The following SDK1 variants were observed in gnomAD, a reference collection of about 807,000 sequenced individuals.
The protein encoded by SDK1 is sidekick cell adhesion molecule 1.
SDK1 carries 157 observed loss-of-function variants against 245.5 expected under a neutral mutation model. The ratio of observed to expected loss-of-function variants is 0.64; its 90% confidence interval spans 0.56 to 0.73. The LOEUF (loss-of-function observed/expected upper bound fraction) is 0.73. Among genes scored for constraint, SDK1 ranks in the 30% least tolerant of loss-of-function variants. The pLI is 0.00. For missense variants in SDK1, 3,583 were observed against 3,002.3 expected (o/e 1.19, Z -4.52); for synonymous variants, 1,647 against 1,278.5 (o/e 1.29, Z -6.15).
At chr7:3,389,463 A>G (rs1781691795) in intron 1 of SDK1, among the ~76,000 whole-genome samples, 1 of 152,188 alleles carries the variant, frequency 6.6e-6, no homozygotes, top group South Asian at 2.1e-4. Context: ...TGAGCCAAGG[A>G]CAAGGGAGTG....
chr7:3,526,227 C>T (rs767002851), intron 1 of SDK1, among the ~76,000 whole-genome samples: 1 of 150,264 alleles, frequency 6.7e-6, no homozygotes, highest in Non-Finnish European at 1.5e-5. Flanking sequence ...AGCGAGACTC[C>T]GTCGCAAAAA....
At chr7:4,248,378 C>G (rs1322500711) in intron 44 of SDK1, among the ~76,000 whole-genome samples, 1 of 139,194 alleles carries the variant, frequency 7.2e-6, no homozygotes, top group Non-Finnish European at 1.6e-5. Flanking sequence ...ACAACATACA[C>G]CTAAATACAC....
chr7:3,970,142 T>C (rs1472173554), intron 11 of SDK1, among the ~76,000 whole-genome samples: 1 of 152,260 alleles, frequency 6.6e-6, no homozygotes, highest in East Asian at 1.9e-4. Context: ...TAAAAACTCA[T>C]ATTCAAAAAG....
intron 4 of SDK1, among the ~76,000 whole-genome samples, chr7:3,760,765 G>C (rs1041021670): frequency 6.6e-6 from 1 of 152,272 alleles, no homozygotes; most frequent in African/African-American, 2.4e-5. Flanking sequence ...TTCCGTTTTT[G>C]CCTTTCTCAG....
chr7:3,356,712 G>C (rs1780804904), intron 1 of SDK1, among the ~76,000 whole-genome samples: 1 of 152,078 alleles, frequency 6.6e-6, no homozygotes, highest in Non-Finnish European at 1.5e-5. Flanking sequence ...ATTGTTTCCT[G>C]ATAGGAATTT....
At position 4,114,125 on chromosome 7, in the gene SDK1, T is replaced by C; in HGVS notation, c.3674T>C (p.Val1225Ala). The change falls in exon 25 of 45, where the codon GTG becomes GCG. Residue 1225 changes from valine to alanine, a missense_variant. Physicochemically the swap from Val to Ala is moderately conservative, Grantham distance 64 (BLOSUM62 0). Coordinates refer to ENST00000404826, the MANE Select transcript of SDK1 (RefSeq NM_152744.4). ...CGCTCAGACCTCCAGTCCTCAGCAG[T>C]GGCCCAAGTCGTCAGTGACCGGCTG... ...YWRSDLQSSA[V>A]AQVVSDRLER... The C allele has an allele frequency of 6.2e-7, 1 of 1,614,202 alleles. No homozygotes were observed. Among genetic ancestry groups the C allele is most frequent in the Non-Finnish European group, 8.5e-7 (1 of 1,180,024 alleles).
At chr7:4,251,384 G>A (rs959444129) in intron 44 of SDK1, among the ~76,000 whole-genome samples, 4 of 152,194 alleles carry the variant, frequency 2.6e-5, no homozygotes, top group South Asian at 2.1e-4. Context: ...CCAGATTCAC[G>A]CTTCTAAGAG....
intron 4 of SDK1, among the ~76,000 whole-genome samples, chr7:3,713,436 C>T (rs562372655): frequency 1.3e-5 from 2 of 152,286 alleles, no homozygotes; most frequent in South Asian, 2.1e-4. Flanking sequence ...GAAAAGATGA[C>T]TGCTACACAT....
At chr7:3,638,174 A>G (rs1199772638) in intron 2 of SDK1, among the ~76,000 whole-genome samples, 2 of 152,230 alleles carry the variant, frequency 1.3e-5, no homozygotes, top group Non-Finnish European at 2.9e-5. Flanking sequence ...ATAAGACAGA[A>G]GTAGATCCTA....
At position 3,989,983 on chromosome 7, in the gene SDK1, C is replaced by T. The variant is rs9886248; in HGVS notation, c.2131+2661C>T. Among the ~76,000 whole-genome samples the T allele has an allele frequency of 1.7e-4, 26 of 152,298 alleles. 1 individual carries two copies. Among genetic ancestry groups the T allele is most frequent in the East Asian group, 7.7e-4 (4 of 5,164 alleles). On this transcript the variant is annotated intron_variant, in intron 14 of 44. Coordinates refer to ENST00000404826, the MANE Select transcript of SDK1 (RefSeq NM_152744.4). ...TCCCTGTGCTGTCTGACTCCAGAGCCGGTGCTCATGACGAGTGTCAGGCAT... is the reference window on the plus strand; with the variant it reads ...TCCCTGTGCTGTCTGACTCCAGAGCTGGTGCTCATGACGAGTGTCAGGCAT...
intron 1 of SDK1, among the ~76,000 whole-genome samples, chr7:3,592,962 G>T (rs1268280078): frequency 6.6e-6 from 1 of 152,186 alleles, no homozygotes; most frequent in Non-Finnish European, 1.5e-5. Flanking sequence ...TTGGGCAGCT[G>T]GGACTTGTAC....
At chr7:3,849,909 TA>T (rs1780376686) in intron 5 of SDK1, among the ~76,000 whole-genome samples, 1 of 152,184 alleles carries the variant, frequency 6.6e-6, no homozygotes. Context: ...GGCCTCACAA[TA>T]AAATATTAGC....
At chr7:3,996,633 G>A (rs547798899) in intron 14 of SDK1, among the ~76,000 whole-genome samples, 6 of 152,092 alleles carry the variant, frequency 3.9e-5, no homozygotes, top group South Asian at 2.1e-4. Context: ...TCCCCATTTC[G>A]TCTTCTAATT....
In SDK1 at chr7:4,115,717, C is replaced by T. The variant is rs138661294; in HGVS notation, c.3823+1443C>T. ...CACCCCAGAGTCCTCGGAAATGCCC[C>T]GGATCTGCCCTCTCTGCAACCCAGA... is the stretch of plus-strand genomic sequence containing the variant. On this transcript the variant is annotated intron_variant, in intron 25 of 44. Transcript: ENST00000404826. Among the ~76,000 whole-genome samples, 187 of 152,260 alleles carry T rather than the reference C, an allele frequency of 1.2e-3. 1 individual carries two copies. Among genetic ancestry groups the T allele is most frequent in the African/African-American group, 4.2e-3 (173 of 41,552 alleles).
chr7:3,992,755 G>T (rs1260200590), intron 14 of SDK1, among the ~76,000 whole-genome samples: 2 of 152,130 alleles, frequency 1.3e-5, no homozygotes, highest in Non-Finnish European at 2.9e-5. Context: ...CGCCCTTCAG[G>T]GTTATCTGAT....
intron 22 of SDK1, among the ~76,000 whole-genome samples, chr7:4,101,210 G>A (rs1323249160): frequency 6.7e-6 from 1 of 150,314 alleles, no homozygotes; most frequent in Admixed American, 6.6e-5. Flanking sequence ...GTGCAGTGGT[G>A]CGATCTCGGC....
rs1398547204 is a variant in SDK1, at chr7:3,987,269, C to A, written c.2078C>A (p.Pro693His). Residue 693 changes from proline to histidine, a missense_variant, in exon 14 of 45, where the codon CCC becomes CAC. By Grantham distance (77) the Pro-to-His change is moderately conservative. Transcript: ENST00000404826. ...SHAVVLSWVR[P>H]FDGNSPILYY... is the part of the protein sequence containing the mutation. ...GCCGTGGTGCTCTCTTGGGTCCGGC[C>A]CTTTGATGGAAACAGTCCTATTCTT... 6.2e-7 allele frequency: 1 copy of A among 1,613,972 alleles called. No individual in the cohort carries two copies. Among genetic ancestry groups the A allele is most frequent in the African/African-American group, 1.3e-5 (1 of 74,918 alleles).
chr7:4,012,167 C>T lies in SDK1; in HGVS notation c.2352C>T (p.Ser784=). ...NIVASGRTNQ[S]IMVQWQPPPE... is the part of the protein sequence containing the mutation. ...TGGCCAGTGGGCGGACTAATCAGTCCATTATGGTCCAGTGGCAGCCACCCC... is the reference window on the plus strand; with the variant it reads ...TGGCCAGTGGGCGGACTAATCAGTCTATTATGGTCCAGTGGCAGCCACCCC... The change falls in exon 16 of 45, where the codon TCC becomes TCT. Residue 784 remains serine (S), a synonymous_variant. Transcript: ENST00000404826. 1 of 1,580,170 alleles carries T rather than the reference C, an allele frequency of 6.3e-7. No homozygotes were observed. Among genetic ancestry groups the T allele is most frequent in the Non-Finnish European group, 8.6e-7 (1 of 1,163,364 alleles).
At chr7:3,370,376 G>GTT (rs1385619109) in intron 1 of SDK1, among the ~76,000 whole-genome samples, 4 of 152,166 alleles carry the variant, frequency 2.6e-5, no homozygotes, top group Non-Finnish European at 5.9e-5. Flanking sequence ...GCAGTCAGTT[G>GTT]TTCTTTATAA....
Sources: allele counts gnomAD v4.1 joint callset (sites outside exome capture counted in the v4.1 genomes callset), GRCh38; gene constraint gnomAD v4.1.1; transcripts MANE v1.5; gene names NCBI Gene and HGNC (gene_info 2026-07-23, HGNC 2026-07-21).